Variants in SLC4A4 observed in about 807,000 individuals in gnomAD.
SLC4A4 encodes solute carrier family 4 member 4, also known as electrogenic sodium bicarbonate cotransporter 1.
Under a neutral mutation model 111.5 loss-of-function variants are expected in SLC4A4, and 27 were observed. That is an observed-to-expected ratio of 0.24 (90% CI 0.18 to 0.33). The LOEUF is 0.33. Ranked by LOEUF, SLC4A4 falls within the 10% of genes least tolerant of loss-of-function variation. The pLI, the probability that SLC4A4 is intolerant of heterozygous loss-of-function variation, is 1.00. For missense variants in SLC4A4, 909 were observed against 1,315.5 expected, an observed-to-expected ratio of 0.69 and a Z score of 4.78; for synonymous variants, 443 against 463.4, an observed-to-expected ratio of 0.96 and a Z score of 0.57.
intron 2 of SLC4A4, among the ~76,000 whole-genome samples, chr4:71,107,399 T>G (rs1160984134): frequency 2.0e-5 from 3 of 152,058 alleles, no homozygotes; most frequent in Non-Finnish European, 4.4e-5. Flanking sequence ...CAGGCTGGAG[T>G]GCAGTGGTGC....
rs375731627 is a variant in SLC4A4, at chr4:71,357,094, C to T, written c.637C>T (p.Arg213Trp). 8.1e-6 allele frequency: 13 copies of T among 1,613,898 alleles called. No homozygotes were observed. The highest frequency in any genetic ancestry group is 1.6e-4 in the Middle Eastern group (1 of 6,082). ...GACCTATACTTTGCTCCGGAAGCAC[C>T]GGCATCAAACCAAGAAATCCAACCT... ...KVTYTLLRKHRHQTKKSNLRS... is the reference protein window; with the variant it reads ...KVTYTLLRKHWHQTKKSNLRS... Residue 213 changes from arginine to tryptophan, a missense_variant, in exon 6 of 26, where the codon CGG becomes TGG. Coordinates refer to ENST00000264485, the MANE Select transcript of SLC4A4 (RefSeq NM_001098484.3).
intron 3 of SLC4A4, among the ~76,000 whole-genome samples, chr4:71,274,858 T>C (rs1722958585): frequency 6.6e-6 from 1 of 152,192 alleles, no homozygotes. Context: ...CATAAAAAAC[T>C]AGATAAATTA....
chr4:71,388,073 A>T (rs1205748128), intron 6 of SLC4A4, among the ~76,000 whole-genome samples: 1 of 152,172 alleles, frequency 6.6e-6, no homozygotes, highest in Non-Finnish European at 1.5e-5. Context: ...TACTTCTGTT[A>T]TGTTACACCG....
At chr4:71,084,894 A>T (rs1252050610) in intron 1 of SLC4A4, among the ~76,000 whole-genome samples, 5 of 152,156 alleles carry the variant, frequency 3.3e-5, no homozygotes, top group Non-Finnish European at 7.3e-5. Context: ...TAGCAGCATG[A>T]TTTATAATCC....
intron 8 of SLC4A4, among the ~76,000 whole-genome samples, chr4:71,441,049 A>G (rs759038126): frequency 3.9e-5 from 6 of 152,192 alleles, no homozygotes; most frequent in Non-Finnish European, 5.9e-5. Context: ...GGGACAAACT[A>G]TAGTTATCTG....
chr4:71,196,869 A>AAAAAAAAAAAAG (rs1746031468), intron 1 of SLC4A4, among the ~76,000 whole-genome samples: 1 of 137,634 alleles, frequency 7.3e-6, no homozygotes, highest in Non-Finnish European at 1.5e-5. Flanking sequence ...AAAAAAAAAA[A>AAAAAAAAAAAAG]AAAAATGCAG....
intron 1 of SLC4A4, among the ~76,000 whole-genome samples, chr4:71,085,233 C>T (rs1462548769): frequency 6.6e-6 from 1 of 151,968 alleles, no homozygotes; most frequent in South Asian, 2.1e-4. Context: ...ATATCCTTCG[C>T]CCACTTTTTG....
chr4:71,218,854 C>T (rs1718579770), intron 1 of SLC4A4, among the ~76,000 whole-genome samples: 1 of 151,960 alleles, frequency 6.6e-6, no homozygotes. Context: ...GTGAGTTGGC[C>T]TTGGAACCTA....
chr4:71,233,903 C>T (rs1312712252), intron 1 of SLC4A4, among the ~76,000 whole-genome samples: 1 of 152,124 alleles, frequency 6.6e-6, no homozygotes, highest in Non-Finnish European at 1.5e-5. Flanking sequence ...TCATTGGCTC[C>T]CGTAACACCT....
intron 1 of SLC4A4, among the ~76,000 whole-genome samples, chr4:71,080,914 TCA>T (rs1349198828): frequency 6.6e-6 from 1 of 152,126 alleles, no homozygotes; most frequent in Non-Finnish European, 1.5e-5. Context: ...GATATTCTTA[TCA>T]CAAAATACAT....
intron 6 of SLC4A4, among the ~76,000 whole-genome samples, chr4:71,376,498 T>C (rs117774254): frequency 0.03 from 4,546 of 151,122 alleles, 163 homozygotes; most frequent in East Asian, 0.13. Context: ...CCACTGCATC[T>C]GGCCTCCTAA....
At chr4:71,196,824 ACT>A (rs1746024018) in intron 1 of SLC4A4, among the ~76,000 whole-genome samples, 2 of 105,710 alleles carry the variant, frequency 1.9e-5, no homozygotes, top group Non-Finnish European at 3.6e-5. Flanking sequence ...ACAGAGCAAG[ACT>A]CTGTCTCCAA....
intron 11 of SLC4A4, 90 bp downstream of exon 11, chr4:71,451,391 T>C: frequency 1.2e-6 from 1 of 858,802 alleles, no homozygotes; most frequent in Non-Finnish European, 2.0e-6. Context: ...CACTAGTTTG[T>C]TCATCTGTTC....
In SLC4A4 at chr4:71,446,015, C is replaced by T. The variant is rs548241426; in HGVS notation, c.966-1631C>T. Among the ~76,000 whole-genome samples, 7 of 152,266 alleles carry T rather than the reference C, an allele frequency of 4.6e-5. No individual in the cohort carries two copies. The South Asian group carries it at 1.5e-3, about 32-fold the overall frequency. On this transcript the variant is annotated intron_variant, in intron 8 of 25. Coordinates refer to ENST00000264485, the MANE Select transcript of SLC4A4 (RefSeq NM_001098484.3). ...CTGATTGCTATCTACTTTGGTAACA[C>T]TTGAAAGTGAGTGTGCTGCTTCACT...
rs72858487 is a variant in SLC4A4, at chr4:71,119,200, C to T, written c.-2+26408C>T. Among the ~76,000 whole-genome samples, 1,006 of 152,196 alleles carry T rather than the reference C, an allele frequency of 6.6e-3. 12 individuals are homozygous for T. The highest frequency in any genetic ancestry group is 0.023 in the African/African-American group (967 of 41,514). ...GGAGCCCCCTGTACTTTCAACTTTG[C>T]GGTGAAAATAAAGTTGCCCTAAAAC... On this transcript the variant is annotated intron_variant, in intron 2 of 26. Coordinates refer to the SLC4A4 transcript ENST00000649996.
intron 2 of SLC4A4, among the ~76,000 whole-genome samples, chr4:71,129,401 T>C (rs1743640690): frequency 6.6e-6 from 1 of 152,006 alleles, no homozygotes; most frequent in Non-Finnish European, 1.5e-5. Context: ...GAAATGCAAA[T>C]TAAAACCACA....
chr4:71,386,340 A>G (rs1004887460), intron 6 of SLC4A4, among the ~76,000 whole-genome samples: 3 of 152,102 alleles, frequency 2.0e-5, no homozygotes, highest in African/African-American at 7.2e-5. Context: ...CTGAAGAAAT[A>G]TGTCCTTTAT....
rs915532964 is a variant in SLC4A4, at chr4:71,262,762, CT to C, written c.253+7374del. 2.3e-3 allele frequency among the ~76,000 whole-genome samples: 342 copies of C among 146,722 alleles called. 1 individual carries two copies. The highest frequency in any genetic ancestry group is 6.6e-3 in the African/African-American group (264 of 40,242). On this transcript the variant is annotated intron_variant, in intron 3 of 25. Transcript: ENST00000264485. ...TTAAATAACAAACAAACAAACAATC[CT>C]TTTTTTTTTTCTAGCAAACAGTATT... is the stretch of plus-strand genomic sequence containing the variant.
rs1553957345 is a variant in SLC4A4, at chr4:71,156,588, GCA to G, written c.-2+63821_-2+63822del. The stretch of plus-strand genomic sequence containing the variant: ...TGTGCGCGCATGCGCGCGCGCGCGC[GCA>G]CACACACACACACACACACACACAT... On this transcript the variant is annotated intron_variant, in intron 2 of 26. Transcript: ENST00000649996. Among the ~76,000 whole-genome samples, 457 of 138,560 alleles carry G rather than the reference GCA, an allele frequency of 3.3e-3. 2 individuals are homozygous for G. Among genetic ancestry groups the G allele is most frequent in the Non-Finnish European group, 4.3e-3 (280 of 64,604 alleles). The allele number at this position is 138,560 out of a possible 152,430, so 90.9% of individuals were successfully genotyped here. A position where few individuals can be genotyped will look rare whatever the true frequency, so the allele number is the denominator to read the frequency against.
Sources: allele counts gnomAD v4.1 joint callset (sites outside exome capture counted in the v4.1 genomes callset), GRCh38; gene constraint gnomAD v4.1.1; transcripts MANE v1.5; gene names NCBI Gene and HGNC (gene_info 2026-07-23, HGNC 2026-07-21).